Variants in APBA2 observed in about 807,000 individuals in gnomAD.
The protein encoded by APBA2 is amyloid beta precursor protein binding family A member 2, also known as amyloid-beta A4 precursor protein-binding family A member 2.
Under a neutral mutation model 75.0 loss-of-function variants are expected in APBA2, and 30 were observed. That is an observed-to-expected ratio of 0.40 (90% confidence interval 0.30 to 0.54). The LOEUF is 0.54. APBA2 is among the 20% of genes least tolerant of loss of function. APBA2 has a pLI of 0.49. For missense variants in APBA2, 801 were observed against 1,016.1 expected (o/e 0.79, Z 2.88); for synonymous variants, 444 against 409.6 (o/e 1.08, Z -1.01).
chr15:28,964,026 G>A (rs1397274360), intron 2 of APBA2, among the ~76,000 whole-genome samples: 1 of 152,234 alleles, frequency 6.6e-6, no homozygotes, highest in East Asian at 1.9e-4. Context: ...CACATGCACA[G>A]TCCCTCTTCC....
chr15:28,984,106 G>A (rs1206431350), intron 2 of APBA2, among the ~76,000 whole-genome samples: 1 of 152,186 alleles, frequency 6.6e-6, no homozygotes, highest in Admixed American at 6.5e-5. Context: ...AGGTGGCAAG[G>A]TGGGGGATTC....
At chr15:28,974,562 G>A (rs906921513) in intron 2 of APBA2, among the ~76,000 whole-genome samples, 3 of 152,104 alleles carry the variant, frequency 2.0e-5, no homozygotes, top group Non-Finnish European at 2.9e-5. Flanking sequence ...AATGAGTTCC[G>A]TAACAGAAAT....
chr15:28,890,089 G>A (rs2032029937), intron 1 of APBA2, among the ~76,000 whole-genome samples: 2 of 152,302 alleles, frequency 1.3e-5, no homozygotes, highest in South Asian at 4.1e-4. Flanking sequence ...CCTGCTCCCT[G>A]TGCCTCCTTT....
intron 1 of APBA2, among the ~76,000 whole-genome samples, chr15:28,920,487 C>T (rs561681381): frequency 6.6e-6 from 1 of 152,290 alleles, no homozygotes; most frequent in East Asian, 1.9e-4. Flanking sequence ...CCTTTCATGC[C>T]CACACCACGG....
intron 2 of APBA2, among the ~76,000 whole-genome samples, chr15:28,959,614 T>C (rs1426777961): frequency 2.0e-5 from 3 of 152,336 alleles, no homozygotes; most frequent in Admixed American, 2.0e-4. Context: ...AAAATACATT[T>C]CTGTTGGTTA....
At chr15:28,907,422 C>T (rs1393710498) in intron 1 of APBA2, among the ~76,000 whole-genome samples, 1 of 152,192 alleles carries the variant, frequency 6.6e-6, no homozygotes, top group Non-Finnish European at 1.5e-5. Context: ...ATTACCTCTT[C>T]ATTCCTCTTC....
intron 2 of APBA2, among the ~76,000 whole-genome samples, chr15:28,975,341 A>G (rs1303275964): frequency 2.0e-5 from 3 of 152,246 alleles, no homozygotes; most frequent in Non-Finnish European, 2.9e-5. Flanking sequence ...AAGATTATTC[A>G]ATGAGAAAAC....
chr15:29,096,836 C>T (rs1047539446), intron 8 of APBA2, among the ~76,000 whole-genome samples: 3 of 152,236 alleles, frequency 2.0e-5, no homozygotes, highest in East Asian at 1.9e-4. Flanking sequence ...AATTATTCAC[C>T]TCGGTGGGCA....
rs1052441669 is a variant in APBA2, at chr15:28,918,677, C to T, written c.-204-2963C>T. ...GTTGCAGCGGGGCCTATGCAGGATC[C>T]CGGTTGGAGGGGGCTGCAGAGGCTA... On this transcript the variant is annotated intron_variant, in intron 1 of 14. Transcript: ENST00000683413. This position sits in a 1 kb window ranked among gnomAD's most constrained non-coding sequence, Gnocchi z 4.2. Among the ~76,000 whole-genome samples the T allele has an allele frequency of 2.0e-5, 3 of 151,958 alleles. No individual in the cohort carries two copies. Among genetic ancestry groups the T allele is most frequent in the Non-Finnish European group, 4.4e-5 (3 of 67,982 alleles).
chr15:29,073,073 C>T (rs1406893569), intron 4 of APBA2, among the ~76,000 whole-genome samples: 3 of 152,230 alleles, frequency 2.0e-5, no homozygotes, highest in Non-Finnish European at 4.4e-5. Flanking sequence ...CTACCTGGGG[C>T]ACGGCATATC....
chr15:29,088,328 G>T (rs2043387757), intron 6 of APBA2, among the ~76,000 whole-genome samples: 1 of 152,092 alleles, frequency 6.6e-6, no homozygotes, highest in African/African-American at 2.4e-5. Context: ...ACCTGCAGAT[G>T]GTTCATTCCC....
At position 29,002,722 on chromosome 15, in the gene APBA2, A is replaced by G. The variant is rs112949195; in HGVS notation, c.-41+6916A>G. Among the ~76,000 whole-genome samples, 872 of 152,184 alleles carry G rather than the reference A, an allele frequency of 5.7e-3. 5 individuals carry two copies. The highest frequency in any genetic ancestry group is 0.01 in the Non-Finnish European group (682 of 68,012). The stretch of plus-strand genomic sequence containing the variant: ...ATGGTGGCAGACAGGCATGTTTGGC[A>G]TGGGTTAATGCGAGGCTGGAAAGAG... On this transcript the variant is annotated intron_variant, in intron 3 of 14. Transcript: ENST00000683413.
chr15:29,104,341 C>T (rs2044290628), intron 10 of APBA2, among the ~76,000 whole-genome samples: 1 of 152,212 alleles, frequency 6.6e-6, no homozygotes, highest in African/African-American at 2.4e-5. Flanking sequence ...TGGGCTGAGG[C>T]GTCACCAAGG....
In APBA2 at chr15:29,089,847, T is replaced by A. The variant is rs997962780; in HGVS notation, c.1070-3228T>A. ...GGGAGACAAGATCTTTAAACCTGTA[T>A]CTTGATTATCTTGTCATTTTGTCTC... On this transcript the variant is annotated intron_variant, in intron 6 of 14. Coordinates refer to ENST00000683413, the MANE Select transcript of APBA2 (RefSeq NM_001353788.2). Among the ~76,000 whole-genome samples the A allele has an allele frequency of 2.1e-4, 32 of 152,320 alleles. No homozygotes were observed. In the East Asian group the frequency reaches 6.2e-3, roughly 29 times the overall value.
At chr15:29,074,309 C>T (rs2042752131) in intron 4 of APBA2, among the ~76,000 whole-genome samples, 1 of 152,086 alleles carries the variant, frequency 6.6e-6, no homozygotes, top group Non-Finnish European at 1.5e-5. Flanking sequence ...GTGATTCAGC[C>T]CTTAAAGGAA....
At chr15:28,895,834 T>C (rs1276074998) in intron 1 of APBA2, among the ~76,000 whole-genome samples, 2 of 152,106 alleles carry the variant, frequency 1.3e-5, no homozygotes, top group East Asian at 3.9e-4. Flanking sequence ...ATTTGAAGGC[T>C]GGGCATGGTG....
At chr15:28,985,442 A>G (rs780056697) in intron 2 of APBA2, among the ~76,000 whole-genome samples, 1 of 152,206 alleles carries the variant, frequency 6.6e-6, no homozygotes, top group Non-Finnish European at 1.5e-5. Flanking sequence ...AAGGAGGCCT[A>G]AGTGCTTCTG....
At chr15:29,031,450 G>T (rs2040482967) in intron 3 of APBA2, among the ~76,000 whole-genome samples, 1 of 152,086 alleles carries the variant, frequency 6.6e-6, no homozygotes, top group Admixed American at 6.6e-5. Flanking sequence ...TGTGCCCCTG[G>T]GGTCTCTCTG....
chr15:29,110,893 C>T (rs553441718), intron 13 of APBA2, among the ~76,000 whole-genome samples: 10 of 152,072 alleles, frequency 6.6e-5, no homozygotes, highest in African/African-American at 1.4e-4. Context: ...GGGCAGCAGA[C>T]GGGGACCAGG....
Sources: allele counts gnomAD v4.1 joint callset (sites outside exome capture counted in the v4.1 genomes callset), GRCh38; gene constraint gnomAD v4.1.1; non-coding constraint Gnocchi (gnomAD v3.1); transcripts MANE v1.5; gene names NCBI Gene and HGNC (gene_info 2026-07-23, HGNC 2026-07-21).